Variants in AGBL4 observed in about 807,000 individuals in gnomAD.
AGBL4 encodes the protein AGBL carboxypeptidase 4, also known as cytosolic carboxypeptidase 6.
AGBL4 carries 58 observed loss-of-function variants against 66.4 expected under a neutral mutation model. The observed-to-expected ratio is 0.87, with a 90% CI of 0.71 to 1.09. The LOEUF is 1.09. Among genes scored for constraint, AGBL4 ranks in the 50% least tolerant of loss-of-function variants. The pLI is 0.00. For missense variants in AGBL4, 579 were observed against 631.0 expected (o/e 0.92, Z 0.88); for synonymous variants, 234 against 222.9 (o/e 1.05, Z -0.44).
intron 11 of AGBL4, among the ~76,000 whole-genome samples, chr1:48,580,843 G>A (rs994163757): frequency 6.6e-6 from 1 of 151,940 alleles, no homozygotes; most frequent in African/African-American, 2.4e-5. Flanking sequence ...GCTGCTTCTG[G>A]CCCAGCCCCA....
At chr1:48,737,438 C>T (rs1424883405) in intron 6 of AGBL4, among the ~76,000 whole-genome samples, 1 of 152,206 alleles carries the variant, frequency 6.6e-6, no homozygotes, top group Admixed American at 6.5e-5. Context: ...AGGAGAGCAG[C>T]TGCCCTGCCA....
intron 6 of AGBL4, among the ~76,000 whole-genome samples, chr1:48,823,979 G>GTGT (rs1243579753): frequency 6.6e-6 from 1 of 152,106 alleles, no homozygotes; most frequent in African/African-American, 2.4e-5. Context: ...AGGTGTGTGT[G>GTGT]TGTGTGTGTA....
chr1:49,905,798 C>A (rs1046362480), intron 1 of AGBL4, among the ~76,000 whole-genome samples: 11 of 151,842 alleles, frequency 7.2e-5, no homozygotes, highest in African/African-American at 2.7e-4. Context: ...ATTAAGCATA[C>A]CCTCAAAAAT....
chr1:49,273,395 G>A (rs1644101899), intron 3 of AGBL4, among the ~76,000 whole-genome samples: 1 of 150,732 alleles, frequency 6.6e-6, no homozygotes, highest in South Asian at 2.1e-4. Flanking sequence ...TATAAACGTG[G>A]TTTTTGTTAA....
intron 4 of AGBL4, among the ~76,000 whole-genome samples, chr1:49,203,298 A>G (rs1647868915): frequency 2.0e-5 from 3 of 152,066 alleles, no homozygotes; most frequent in African/African-American, 7.2e-5. Context: ...TGAGAATAGG[A>G]TCTCAAAGAA....
At chr1:49,070,639 T>C (rs1644583594) in intron 4 of AGBL4, among the ~76,000 whole-genome samples, 2 of 151,964 alleles carry the variant, frequency 1.3e-5, no homozygotes, top group Non-Finnish European at 2.9e-5. Context: ...TTTGCCAGTA[T>C]TTTATTGAGG....
rs147605119 is a variant in AGBL4, at chr1:49,719,803, G to A, written c.158-22366C>T. Among the ~76,000 whole-genome samples, 30 of 152,180 alleles carry A rather than the reference G, an allele frequency of 2.0e-4. No homozygotes were observed. The East Asian group carries it at 5.6e-3, about 28-fold the overall frequency. On this transcript the variant is annotated intron_variant, in intron 2 of 13. Transcript: ENST00000371839. ...AGATGTTTATCCTCATGCTATTCTT[G>A]TGATGTGAGCGAGTTCACATGAGAT...
intron 5 of AGBL4, among the ~76,000 whole-genome samples, chr1:48,960,504 AG>A (rs1448109794): frequency 6.6e-6 from 1 of 152,212 alleles, no homozygotes; most frequent in Non-Finnish European, 1.5e-5. Flanking sequence ...GAAATCATCA[AG>A]GATGTAATAC....
Position 49,151,126 on chromosome 1 carries a change from G to A in AGBL4, c.377+94644C>T, listed in dbSNP as rs181051628. The stretch of plus-strand genomic sequence containing the variant: ...TACTAAAAATACAAAAATATTAGCC[G>A]GGCGTGGCAGTGTATGCCTGTAGTC... On this transcript the variant is annotated intron_variant, in intron 4 of 13. Transcript: ENST00000371839. Among the ~76,000 whole-genome samples, 959 of 151,718 alleles carry A rather than the reference G, an allele frequency of 6.3e-3. 15 individuals carry two copies. Among genetic ancestry groups the A allele is most frequent in the African/African-American group, 0.022 (922 of 41,386 alleles).
At chr1:49,109,268 A>G (rs1262279720) in intron 4 of AGBL4, among the ~76,000 whole-genome samples, 1 of 152,178 alleles carries the variant, frequency 6.6e-6, no homozygotes, top group Middle Eastern at 3.2e-3. Context: ...GGGAACAGCT[A>G]CTGTGGAAGC....
At chr1:49,199,885 T>C (rs891724548) in intron 4 of AGBL4, among the ~76,000 whole-genome samples, 1 of 152,176 alleles carries the variant, frequency 6.6e-6, no homozygotes, top group Non-Finnish European at 1.5e-5. Context: ...TAAACAGCTA[T>C]CTCAGTCTAT....
intron 2 of AGBL4, among the ~76,000 whole-genome samples, chr1:49,751,752 T>C (rs1651486199): frequency 6.6e-6 from 1 of 152,038 alleles, no homozygotes; most frequent in Non-Finnish European, 1.5e-5. Context: ...CTGCCTCAAT[T>C]TCAGAAATTA....
intron 4 of AGBL4, among the ~76,000 whole-genome samples, chr1:49,178,349 T>C (rs1394971776): frequency 6.6e-6 from 1 of 152,194 alleles, no homozygotes; most frequent in Non-Finnish European, 1.5e-5. Context: ...CTAACAGTAA[T>C]ACAGTATCCT....
intron 4 of AGBL4, among the ~76,000 whole-genome samples, chr1:49,230,077 A>G (rs917756137): frequency 2.0e-5 from 3 of 152,184 alleles, no homozygotes; most frequent in East Asian, 3.9e-4. Flanking sequence ...GTCTGTCTTC[A>G]TATCTATTTC....
chr1:49,560,255 CAGATA>C (rs1326237969), intron 3 of AGBL4, among the ~76,000 whole-genome samples: 1 of 152,038 alleles, frequency 6.6e-6, no homozygotes, highest in African/African-American at 2.4e-5. Flanking sequence ...AGAATTTCAT[CAGATA>C]AACTAAATAA....
intron 3 of AGBL4, among the ~76,000 whole-genome samples, chr1:49,256,914 T>C (rs1270558511): frequency 6.6e-6 from 1 of 152,134 alleles, no homozygotes; most frequent in Non-Finnish European, 1.5e-5. Context: ...GGGTCATCCA[T>C]ATGGAACAAA....
intron 3 of AGBL4, among the ~76,000 whole-genome samples, chr1:49,563,628 T>G (rs1048948071): frequency 3.3e-5 from 5 of 152,202 alleles, no homozygotes; most frequent in African/African-American, 1.2e-4. Flanking sequence ...TTTTCATATG[T>G]TGAACCAGCC....
chr1:48,615,976 C>G (rs1645311558), intron 9 of AGBL4, among the ~76,000 whole-genome samples: 1 of 152,124 alleles, frequency 6.6e-6, no homozygotes, highest in Non-Finnish European at 1.5e-5. Flanking sequence ...GCAAAATGTT[C>G]TTGCTAGTTC....
intron 3 of AGBL4, among the ~76,000 whole-genome samples, chr1:49,617,281 A>C (rs1645267398): frequency 6.6e-6 from 1 of 152,158 alleles, no homozygotes; most frequent in Non-Finnish European, 1.5e-5. Flanking sequence ...GCCCTCAGAT[A>C]GCCCTGCAGG....
Sources: allele counts gnomAD v4.1 joint callset (sites outside exome capture counted in the v4.1 genomes callset), GRCh38; gene constraint gnomAD v4.1.1; transcripts MANE v1.5; gene names NCBI Gene and HGNC (gene_info 2026-07-23, HGNC 2026-07-21).